STK39: variants seen among roughly 807,000 people sequenced by gnomAD.
STK39 encodes the protein serine/threonine kinase 39.
STK39 carries 20 observed loss-of-function variants against 77.8 expected under a neutral mutation model. That is an observed-to-expected ratio of 0.26 (90% confidence interval 0.18 to 0.37). The LOEUF is 0.37. Among genes scored for constraint, STK39 ranks in the 10% least tolerant of loss-of-function variants. The pLI, the probability that STK39 is intolerant of heterozygous loss-of-function variation, is 1.00. For synonymous variants in STK39, 246 were observed against 234.1 expected (o/e 1.05, Z -0.47); for missense variants, 479 against 656.5 (o/e 0.73, Z 2.95).
intron 2 of STK39, among the ~76,000 whole-genome samples, chr2:168,170,558 C>T (rs1424410628): frequency 6.6e-6 from 1 of 152,182 alleles, no homozygotes; most frequent in Non-Finnish European, 1.5e-5. Context: ...GGCTGCAGTG[C>T]GGCCTGAGAA....
intron 8 of STK39, 52 bp from the exon 9 acceptor site, chr2:168,129,810 C>T: frequency 1.3e-6 from 2 of 1,591,766 alleles, no homozygotes; most frequent in South Asian, 2.2e-5. Context: ...TTAATAAATG[C>T]ACTGCCTTGA....
chr2:168,159,420 G>A (rs1363886942), intron 5 of STK39, among the ~76,000 whole-genome samples: 1 of 152,072 alleles, frequency 6.6e-6, no homozygotes. Context: ...AAGACCCAGA[G>A]ACTCCTGGTC....
intron 15 of STK39, among the ~76,000 whole-genome samples, chr2:168,014,669 G>A (rs974096335): frequency 1.3e-5 from 2 of 152,066 alleles, no homozygotes; most frequent in Non-Finnish European, 2.9e-5. Flanking sequence ...GGAAATAAGT[G>A]AACTGAATTA....
At chr2:168,203,271 G>A (rs1689657800) in intron 1 of STK39, among the ~76,000 whole-genome samples, 1 of 152,088 alleles carries the variant, frequency 6.6e-6, no homozygotes, top group African/African-American at 2.4e-5. Context: ...AAAGGGGAGT[G>A]GGGTAAAGGA....
intron 17 of STK39, among the ~76,000 whole-genome samples, chr2:167,963,007 G>C (rs548055088): frequency 8.5e-5 from 13 of 152,294 alleles, no homozygotes; most frequent in African/African-American, 3.1e-4. Flanking sequence ...GCCTGTCCCG[G>C]GTGTGCGGTT....
At chr2:167,991,410 A>C (rs1683697533) in intron 16 of STK39, among the ~76,000 whole-genome samples, 1 of 152,186 alleles carries the variant, frequency 6.6e-6, no homozygotes, top group Non-Finnish European at 1.5e-5. Context: ...AAGGCACATG[A>C]GTTAGAGCTG....
chr2:168,206,861 C>T (rs999970428), intron 1 of STK39, among the ~76,000 whole-genome samples: 1 of 152,136 alleles, frequency 6.6e-6, no homozygotes, highest in African/African-American at 2.4e-5. Flanking sequence ...GAAGAGAAAG[C>T]TCACACACAT....
chr2:168,003,078 G>A (rs1459874879), intron 16 of STK39, among the ~76,000 whole-genome samples: 9 of 152,148 alleles, frequency 5.9e-5, no homozygotes, highest in Admixed American at 3.9e-4. Flanking sequence ...CCGCCTCCTG[G>A]GTTGAAACGA....
At chr2:168,005,389 G>A (rs1354059779) in intron 16 of STK39, among the ~76,000 whole-genome samples, 4 of 149,786 alleles carry the variant, frequency 2.7e-5, no homozygotes, top group African/African-American at 1.0e-4. Flanking sequence ...TGAGAGAAAG[G>A]CAAGGAACGT....
intron 16 of STK39, among the ~76,000 whole-genome samples, chr2:167,994,118 G>A (rs1683770669): frequency 6.6e-6 from 1 of 152,082 alleles, no homozygotes; most frequent in South Asian, 2.1e-4. Flanking sequence ...GTACATATCG[G>A]TACCCAAGAC....
intron 12 of STK39, among the ~76,000 whole-genome samples, chr2:168,070,625 G>A (rs545313901): frequency 8.5e-5 from 11 of 129,488 alleles, no homozygotes; most frequent in Non-Finnish European, 1.5e-4. Flanking sequence ...GCCCCAGTGT[G>A]TGATGTTCCC....
At position 168,153,075 on chromosome 2, in the gene STK39, T is replaced by G. The variant is rs950283740; in HGVS notation, c.628+8712A>C. On this transcript the variant is annotated intron_variant, in intron 5 of 17. Coordinates refer to ENST00000355999, the MANE Select transcript of STK39 (RefSeq NM_013233.3). ...TTTACAAAGTTTTCAGAAGGATTAG[T>G]TGAATCTTCAAAGAATCTGCAGATT... Among the ~76,000 whole-genome samples the G allele has an allele frequency of 3.0e-4, 46 of 152,348 alleles. 1 individual carries two copies. The highest frequency in any genetic ancestry group is 1.4e-3 in the Admixed American group (22 of 15,304).
chr2:168,247,451 A>G lies in STK39; in HGVS notation c.-16T>C, dbSNP rs1690964290. The G allele has an allele frequency of 3.1e-6, 4 of 1,306,662 alleles. No individual in the cohort carries two copies. Among genetic ancestry groups the G allele is most frequent in the Non-Finnish European group, 3.9e-6 (4 of 1,014,042 alleles). The allele number at this position is 1,306,662 out of a possible 1,614,324, so 80.9% of individuals were successfully genotyped here. A position where few individuals can be genotyped will look rare whatever the true frequency, so the allele number is the denominator to read the frequency against. On this transcript the variant is annotated 5_prime_UTR_variant, in exon 1 of 18. Coordinates refer to ENST00000355999, the MANE Select transcript of STK39 (RefSeq NM_013233.3). ...GCTCCGCCATGATGCTGCGGAGGAG[A>G]GCAGGAGGACGCGCCGGCCGACGGA...
chr2:168,006,083 G>T (rs1419727864), intron 16 of STK39, among the ~76,000 whole-genome samples: 1 of 152,128 alleles, frequency 6.6e-6, no homozygotes, highest in Non-Finnish European at 1.5e-5. Flanking sequence ...CCACTTAAAG[G>T]AAACAGACAT....
chr2:168,238,780 T>C (rs1043799381), intron 1 of STK39, among the ~76,000 whole-genome samples: 3 of 152,248 alleles, frequency 2.0e-5, no homozygotes, highest in Non-Finnish European at 1.5e-5. Flanking sequence ...AATGACTTTT[T>C]AATTAATATA....
intron 5 of STK39, among the ~76,000 whole-genome samples, chr2:168,145,623 T>C (rs1517329): frequency 0.14 from 20,589 of 152,264 alleles, 1,720 homozygotes; most frequent in East Asian, 0.25. Context: ...CCTAATTTAG[T>C]CCGCAAAACT....
At chr2:168,049,176 G>T (rs946649302) in intron 14 of STK39, among the ~76,000 whole-genome samples, 1 of 152,172 alleles carries the variant, frequency 6.6e-6, no homozygotes, top group Non-Finnish European at 1.5e-5. Context: ...AACTGAAGAA[G>T]ATGAAGACTC....
chr2:168,072,346 A>G (rs577261084), intron 12 of STK39, among the ~76,000 whole-genome samples: 2 of 152,238 alleles, frequency 1.3e-5, no homozygotes, highest in African/African-American at 4.8e-5. Context: ...AGTTTTTATT[A>G]TATGTCATTC....
chr2:168,199,361 C>T (rs1377209868), intron 1 of STK39, among the ~76,000 whole-genome samples: 1 of 152,162 alleles, frequency 6.6e-6, no homozygotes, highest in East Asian at 1.9e-4. Flanking sequence ...TGGCTATCTA[C>T]AGATCAGACA....
Sources: allele counts gnomAD v4.1 joint callset (sites outside exome capture counted in the v4.1 genomes callset), GRCh38; gene constraint gnomAD v4.1.1; transcripts MANE v1.5; gene names NCBI Gene and HGNC (gene_info 2026-07-23, HGNC 2026-07-21).